The following CRYBB3 variants were observed in gnomAD, a reference collection of about 807,000 sequenced individuals.
CRYBB3 encodes the protein beta-crystallin B3.
In CRYBB3, 35 loss-of-function variants were observed where a neutral mutation model predicts 28.3. The observed-to-expected ratio is 1.24, with a 90% CI of 0.95 to 1.64. The LOEUF (loss-of-function observed/expected upper bound fraction) is 1.64. CRYBB3 is among the 40% of genes most tolerant of loss of function. The pLI is 0.00. For synonymous variants in CRYBB3, 106 were observed against 110.4 expected, an observed-to-expected ratio of 0.96 and a Z score of 0.25; for missense variants, 296 against 297.4, an observed-to-expected ratio of 1.00 and a Z score of 0.04.
At chr22:25,202,532 A>C in intron 2 of CRYBB3, 142 bp from the exon 3 acceptor site, 1 of 1,525,762 alleles carries the variant, frequency 6.6e-7, no homozygotes. Context: ...ATTAGAGGGC[A>C]GTGCAGGCCC....
At chr22:25,202,914 C>T (rs530258749) in intron 3 of CRYBB3, 122 bp downstream of exon 3, 23 of 1,516,942 alleles carry the variant, frequency 1.5e-5, no homozygotes, top group African/African-American at 5.5e-5. Flanking sequence ...TCTCTGGCCT[C>T]GTTTTCCGCA....
intron 1 of CRYBB3, among the ~76,000 whole-genome samples, chr22:25,200,355 C>T (rs1934922429): frequency 6.6e-6 from 1 of 151,922 alleles, no homozygotes. Flanking sequence ...TGCTGGGAGC[C>T]GTGGGTGGGT....
intron 5 of CRYBB3, among the ~76,000 whole-genome samples, chr22:25,206,720 T>C (rs1935041626): frequency 6.6e-6 from 1 of 150,756 alleles, no homozygotes; most frequent in Admixed American, 6.6e-5. Flanking sequence ...TGGATGCAAG[T>C]GGAAAAAAGG....
At position 25,207,189 on chromosome 22, in the gene CRYBB3, C is replaced by G; in HGVS notation, c.613C>G (p.Arg205Gly). The change falls in exon 6 of 6, where the codon CGG (arginine) becomes GGG (glycine). Residue 205 changes from arginine to glycine, a missense_variant. Arg to Gly is a moderately radical substitution (Grantham distance 125). Coordinates refer to ENST00000215855, the MANE Select transcript of CRYBB3 (RefSeq NM_004076.5). ...RRIRDQKWHK[R>G]GRFPSS ...CATCCGTGACCAGAAGTGGCACAAG[C>G]GGGGCCGCTTCCCCAGCAGCTGAAA... 2 of 1,613,162 alleles carry G rather than the reference C, an allele frequency of 1.2e-6. No individual in the cohort carries two copies. Among genetic ancestry groups the G allele is most frequent in the South Asian group, 2.2e-5 (2 of 91,034 alleles).
intron 1 of CRYBB3, among the ~76,000 whole-genome samples, chr22:25,200,863 C>T (rs1379893854): frequency 6.6e-6 from 1 of 152,182 alleles, no homozygotes; most frequent in Non-Finnish European, 1.5e-5. Context: ...GGTCACCCAG[C>T]CCAGAGCCTG....
rs1935051406 is a variant in CRYBB3, at chr22:25,207,203, C to G, written c.627C>G (p.Pro209=). 1.2e-6 allele frequency: 2 copies of G among 1,612,446 alleles called. No individual in the cohort carries two copies. The highest frequency in any genetic ancestry group is 2.7e-5 in the African/African-American group (2 of 74,922). ...AGTGGCACAAGCGGGGCCGCTTCCC[C>G]AGCAGCTGAAAGGCACCCAGACTTC... ...DQKWHKRGRF[P]SS is the part of the protein sequence containing the mutation. Residue 209 remains proline, a synonymous_variant, in exon 6 of 6, where the codon CCC becomes CCG. Transcript: ENST00000215855.
chr22:25,201,624 C>A (rs1245458536), intron 2 of CRYBB3, among the ~76,000 whole-genome samples, 153 bp downstream of exon 2: 1 of 152,188 alleles, frequency 6.6e-6, no homozygotes, highest in African/African-American at 2.4e-5. Context: ...CTCACTGCCA[C>A]CCTCCCGTTA....
chr22:25,201,319 C>T (rs1934943339), intron 1 of CRYBB3, 58 bp from the exon 2 acceptor site: 1 of 1,601,198 alleles, frequency 6.2e-7, no homozygotes, highest in South Asian at 1.1e-5. Context: ...ACTCCAGTCA[C>T]ATCAACACCT....
chr22:25,207,200 C>T lies in CRYBB3; in HGVS notation c.624C>T (p.Phe208=). Residue 208 remains phenylalanine (F), a synonymous_variant, in exon 6 of 6, where the codon TTC becomes TTT. Coordinates refer to ENST00000215855, the MANE Select transcript of CRYBB3 (RefSeq NM_004076.5). ...AGAAGTGGCACAAGCGGGGCCGCTT[C>T]CCCAGCAGCTGAAAGGCACCCAGAC... ...RDQKWHKRGR[F]PSS The T allele has an allele frequency of 1.9e-6, 3 of 1,612,656 alleles. No individual in the cohort carries two copies. In the South Asian group the frequency reaches 3.3e-5, roughly 18 times the overall value.
Position 25,205,255 on chromosome 22 carries a change from C to G in CRYBB3, c.363C>G (p.Asn121Lys). The G allele has an allele frequency of 6.2e-7, 1 of 1,614,080 alleles. No individual in the cohort carries two copies. Among genetic ancestry groups the G allele is most frequent in the Non-Finnish European group, 8.5e-7 (1 of 1,180,002 alleles). The change falls in exon 5 of 6, where the codon AAC (asparagine) becomes AAG (lysine). Residue 121 changes from asparagine to lysine, a missense_variant. Physicochemically the swap from Asn to Lys is moderately conservative, Grantham distance 94. Transcript: ENST00000215855. Reference sequence around the variant, plus strand: ...ATCACAAGCTGCATCTGTTTGAGAACCCAGCTTTCAGTGGCCGCAAGATGG... The same window carrying G: ...ATCACAAGCTGCATCTGTTTGAGAAGCCAGCTTTCAGTGGCCGCAAGATGG... The part of the protein sequence containing the change: ...SPHHKLHLFE[N>K]PAFSGRKMEI...
In CRYBB3 at chr22:25,201,490, G is replaced by T; in HGVS notation, c.75+19G>T. ...CTACAAGGTACTGGGCAGGGAGGGGGTCAGAGGGCCCAGGCTACTCCTGGG... is the reference window on the plus strand; with the variant it reads ...CTACAAGGTACTGGGCAGGGAGGGGTTCAGAGGGCCCAGGCTACTCCTGGG... On this transcript the variant is annotated intron_variant, in intron 2 of 5. Transcript: ENST00000215855. 6.2e-7 allele frequency: 1 copy of T among 1,611,412 alleles called. No individual in the cohort carries two copies. The highest frequency in any genetic ancestry group is 8.5e-7 in the Non-Finnish European group (1 of 1,178,738).
intron 5 of CRYBB3, among the ~76,000 whole-genome samples, chr22:25,205,802 C>G (rs1298125119): frequency 6.6e-6 from 1 of 152,142 alleles, no homozygotes; most frequent in African/African-American, 2.4e-5. Flanking sequence ...TCCCTGCACT[C>G]CTGTACTGTT....
Position 25,203,767 on chromosome 22 carries a change from C to G in CRYBB3, c.199C>G (p.Leu67Val). The G allele has an allele frequency of 6.2e-7, 1 of 1,614,206 alleles. No individual in the cohort carries two copies. Among genetic ancestry groups the G allele is most frequent in the Non-Finnish European group, 8.5e-7 (1 of 1,180,036 alleles). The change falls in exon 4 of 6, where the codon CTG (leucine) becomes GTG (valine). Residue 67 changes from leucine to valine, a missense_variant. By Grantham distance (32) the Leu-to-Val change is conservative. Transcript: ENST00000215855. ...CCAAGCCTCTTCCTCCCTCAGGTGG[C>G]TGGCATTTGAGTCCAGGGCCTTCCG... ...GSIQVESGPWLAFESRAFRGE... is the reference protein window; with the variant it reads ...GSIQVESGPWVAFESRAFRGE...
At chr22:25,200,180 C>T (rs1934918012) in intron 1 of CRYBB3, among the ~76,000 whole-genome samples, 1 of 152,158 alleles carries the variant, frequency 6.6e-6, no homozygotes, top group South Asian at 2.1e-4. Context: ...GGGGAGTGGG[C>T]ACACATGGTA....
At chr22:25,201,046 C>T (rs1458282893) in intron 1 of CRYBB3, among the ~76,000 whole-genome samples, 1 of 152,126 alleles carries the variant, frequency 6.6e-6, no homozygotes, top group Non-Finnish European at 1.5e-5. Flanking sequence ...ACCTGGGTTT[C>T]GGGGAGCATC....
intron 2 of CRYBB3, 71 bp from the exon 3 acceptor site, chr22:25,202,603 C>G: frequency 6.2e-7 from 1 of 1,608,560 alleles, no homozygotes. Flanking sequence ...CCCTCTAATG[C>G]CCAAAGGAGG....
At chr22:25,205,567 C>T (rs550694767) in intron 5 of CRYBB3, among the ~76,000 whole-genome samples, 68 of 152,304 alleles carry the variant, frequency 4.5e-4, no homozygotes, top group African/African-American at 1.6e-3. Context: ...TCATGCCATT[C>T]TCCTGCCTCA....
Position 25,202,671 on chromosome 22 carries a change from T to C in CRYBB3, c.76-3T>C, listed in dbSNP as rs1934967106. On this transcript the variant is annotated splice_region_variant and splice_polypyrimidine_tract_variant and intron_variant, in intron 2 of 5. Transcript: ENST00000215855. ...TGGGATGTTTAGGACTCTGCTCTTC[T>C]AGGTGATCTTGTACGAACTAGAGAA... 3 of 1,613,874 alleles carry C rather than the reference T, an allele frequency of 1.9e-6. No homozygotes were observed. Among genetic ancestry groups the C allele is most frequent in the Admixed American group, 3.3e-5 (2 of 60,018 alleles).
Position 25,207,116 on chromosome 22 carries a change from C to T in CRYBB3, c.540C>T (p.His180=). 1 of 1,613,718 alleles carries T rather than the reference C, an allele frequency of 6.2e-7. No individual in the cohort carries two copies. The highest frequency in any genetic ancestry group is 8.5e-7 in the Non-Finnish European group (1 of 1,179,894). Residue 180 remains histidine, a synonymous_variant, in exon 6 of 6, where the codon CAC becomes CAT. Coordinates refer to ENST00000215855, the MANE Select transcript of CRYBB3 (RefSeq NM_004076.5). Reference sequence around the variant, plus strand: ...TGTTTGAGCGGGGCGAGTACCGCCACTGGAATGAGTGGGACGCCAGCCAGC... The same window carrying T: ...TGTTTGAGCGGGGCGAGTACCGCCATTGGAATGAGTGGGACGCCAGCCAGC... ...QYVFERGEYR[H]WNEWDASQPQ...
Sources: gnomAD v4.1 joint callset for allele counts (sites outside exome capture counted in the v4.1 genomes callset) on GRCh38, gnomAD v4.1.1 for gene constraint, MANE v1.5 for transcripts, NCBI Gene and HGNC (gene_info 2026-07-23, HGNC 2026-07-21) for gene names.